The following ESPL1 variants were observed in gnomAD, a reference collection of about 807,000 sequenced individuals.
The protein encoded by ESPL1 is extra spindle pole bodies like 1, separase, also known as separin.
A neutral mutation model predicts 217.2 loss-of-function variants in ESPL1; 50 were observed. The ratio of observed to expected loss-of-function variants is 0.23; its 90% CI spans 0.18 to 0.29. The LOEUF is 0.29. Ranked by LOEUF, ESPL1 falls within the 10% of genes least tolerant of loss-of-function variation. The probability of loss-of-function intolerance (pLI) is 1.00; values close to 1 mark genes in which losing one functional copy is unlikely to be tolerated. For synonymous variants in ESPL1, 994 were observed against 1,081.3 expected, an observed-to-expected ratio of 0.92 and a Z score of 1.58; for missense variants, 1,834 against 2,603.0, an observed-to-expected ratio of 0.70 and a Z score of 6.43.
chr12:53,277,527 A>G lies in ESPL1; in HGVS notation c.2143A>G (p.Asn715Asp). 6.2e-7 allele frequency: 1 copy of G among 1,614,144 alleles called. No individual in the cohort carries two copies. The highest frequency in any genetic ancestry group is 8.5e-7 in the Non-Finnish European group (1 of 1,179,990). Residue 715 changes from asparagine to aspartate, a missense_variant, in exon 10 of 31, where the codon AAT becomes GAT. Physicochemically the swap from Asn to Asp is conservative, Grantham distance 23. Transcript: ENST00000257934. ...TGGTAACTTGGAGGAATTTGAAGTC[A>G]ATGACCTGAACTATGAAGATAAACT... ...APGNLEEFEV[N>D]DLNYEDKLQE...
chr12:53,270,412 T>A lies in ESPL1; in HGVS notation c.1178T>A (p.Phe393Tyr). Residue 393 changes from phenylalanine to tyrosine, a missense_variant, in exon 4 of 31, where the codon TTT becomes TAT. Around this residue, in one of 5 missense-constraint regions of ESPL1, gnomAD observed 746 missense variants for 1,077.0 expected, o/e 0.69. Transcript: ENST00000257934. The stretch of plus-strand genomic sequence containing the variant: ...GGCTCCTCCAAGCAACAGCAGTCTT[T>A]TCTTCAGATGTACTTTCAGGGACTT... ...YGGSSKQQQS[F>Y]LQMYFQGLHL... The A allele has an allele frequency of 6.2e-7, 1 of 1,613,992 alleles. No homozygotes were observed. The highest frequency in any genetic ancestry group is 8.5e-7 in the Non-Finnish European group (1 of 1,179,896).
chr12:53,282,184 G>C lies in ESPL1; in HGVS notation c.2620-80G>C. ...AATACCCAGGGCCTTCAGGGATGGG[G>C]CCACGTAATCTCCAGGGCCTCTCAA... On this transcript the variant is annotated intron_variant, in intron 13 of 30. Coordinates refer to ENST00000257934, the MANE Select transcript of ESPL1 (RefSeq NM_012291.5). This position sits in a 1 kb window ranked among gnomAD's most constrained non-coding sequence, Gnocchi z 4.0. 2 of 1,208,812 alleles carry C rather than the reference G, an allele frequency of 1.7e-6. No individual in the cohort carries two copies. The highest frequency in any genetic ancestry group is 1.8e-5 in the Admixed American group (1 of 54,262). The allele number at this position is 1,208,812 out of a possible 1,614,324, so 74.9% of individuals were successfully genotyped here.
chr12:53,279,833 C>A lies in ESPL1; in HGVS notation c.2466C>A (p.Leu822=), dbSNP rs1477074386. The stretch of plus-strand genomic sequence containing the variant: ...GCTCCTCCTGCCACATCACCCAGCT[C>A]CTCCTGACCCTCGGCTGTCCCAGCT... ...AAGSSCHITQ[L]LLTLGCPSYA... is the part of the protein sequence containing the mutation. The change falls in exon 12 of 31, where the codon CTC becomes CTA. Residue 822 remains leucine (L), a synonymous_variant. Coordinates refer to ENST00000257934, the MANE Select transcript of ESPL1 (RefSeq NM_012291.5). The A allele has an allele frequency of 6.2e-7, 1 of 1,608,622 alleles. No homozygotes were observed.
intron 3 of ESPL1, 52 bp from the exon 4 acceptor site, chr12:53,270,326 G>C: frequency 7.6e-7 from 1 of 1,318,448 alleles, no homozygotes; most frequent in South Asian, 1.2e-5. Flanking sequence ...TCTTCAGCTT[G>C]GAGCCCTCTT....
chr12:53,280,450 C>T (rs974889426), intron 12 of ESPL1, among the ~76,000 whole-genome samples: 1 of 146,612 alleles, frequency 6.8e-6, no homozygotes, highest in African/African-American at 2.7e-5. Context: ...TTAGTGGTGT[C>T]ATTTCCATTT....
chr12:53,284,880 C>T (rs929648094), intron 17 of ESPL1, among the ~76,000 whole-genome samples: 3 of 151,298 alleles, frequency 2.0e-5, no homozygotes, highest in East Asian at 2.0e-4. Flanking sequence ...GGCATGGTGG[C>T]GGGCACCTGT....
chr12:53,279,767 G>A lies in ESPL1; in HGVS notation c.2400G>A (p.Arg800=). 1 of 1,614,084 alleles carries A rather than the reference G, an allele frequency of 6.2e-7. No homozygotes were observed. Among genetic ancestry groups the A allele is most frequent in the Non-Finnish European group, 8.5e-7 (1 of 1,180,020 alleles). ...MQALEVLLLL[R]IVSERLKDHS... is the part of the protein sequence containing the mutation. ...CTCTGGAGGTCCTCCTGCTGCTACGGATTGTCTCTGAGAGACTGAAGGACC... is the reference window on the plus strand; with the variant it reads ...CTCTGGAGGTCCTCCTGCTGCTACGAATTGTCTCTGAGAGACTGAAGGACC... Residue 800 remains arginine, a synonymous_variant, in exon 12 of 31, where the codon CGG becomes CGA. Coordinates refer to ENST00000257934, the MANE Select transcript of ESPL1 (RefSeq NM_012291.5).
chr12:53,277,137 T>C lies in ESPL1; in HGVS notation c.1995T>C (p.Pro665=). 6 of 1,614,168 alleles carry C rather than the reference T, an allele frequency of 3.7e-6. No homozygotes were observed. Among genetic ancestry groups the C allele is most frequent in the Non-Finnish European group, 5.1e-6 (6 of 1,179,976 alleles). The part of the protein sequence containing the change: ...EALQLLDSVR[P]EAQARDQLLD... ...TGCAGCTTCTGGACTCTGTGAGGCC[T>C]GAGGCCCAGGCCAGAGATCAGCTTC... The change falls in exon 9 of 31, where the codon CCT becomes CCC. Residue 665 remains proline (P), a synonymous_variant. Transcript: ENST00000257934.
chr12:53,278,165 C>A (rs1388408169), intron 11 of ESPL1, among the ~76,000 whole-genome samples: 2 of 152,148 alleles, frequency 1.3e-5, no homozygotes, highest in African/African-American at 4.8e-5. Flanking sequence ...AACCTAAGCC[C>A]AAGTTTCCTT....
In ESPL1 at chr12:53,288,140, C is replaced by G. The variant is rs768070094; in HGVS notation, c.4345C>G (p.Pro1449Ala). ...VVAPGSAPGN[P>A]GLNGRSRRAK... ...TGCCCCAGGTAGTGCCCCTGGGAAC[C>G]CTGGCCTGAATGGCAGGAGCCGGAG... Residue 1449 changes from proline to alanine, a missense_variant, in exon 19 of 31, where the codon CCT becomes GCT. Physicochemically the swap from Pro to Ala is conservative, Grantham distance 27. This residue lies in a region of ESPL1 where 681 missense variants were observed against 808.0 expected (regional missense o/e 0.84). Coordinates refer to ENST00000257934, the MANE Select transcript of ESPL1 (RefSeq NM_012291.5). The G allele has an allele frequency of 6.2e-7, 1 of 1,613,676 alleles. No individual in the cohort carries two copies. The highest frequency in any genetic ancestry group is 8.5e-7 in the Non-Finnish European group (1 of 1,179,938).
At chr12:53,274,737 C>A (rs1943735252) in intron 6 of ESPL1, 80 bp from the exon 7 acceptor site, 4 of 1,187,220 alleles carry the variant, frequency 3.4e-6, no homozygotes, top group Non-Finnish European at 5.0e-6. Context: ...GGTGTATGTA[C>A]CTATTGCATG....
At chr12:53,280,667 T>C (rs903866079) in intron 12 of ESPL1, among the ~76,000 whole-genome samples, 2 of 152,066 alleles carry the variant, frequency 1.3e-5, no homozygotes, top group African/African-American at 4.8e-5. Context: ...CGTGCCCAGC[T>C]ACTGCTTACT....
Position 53,292,856 on chromosome 12 carries a change from T to C in ESPL1, c.6047T>C (p.Leu2016Pro). 1 of 1,612,628 alleles carries C rather than the reference T, an allele frequency of 6.2e-7. No homozygotes were observed. The highest frequency in any genetic ancestry group is 8.5e-7 in the Non-Finnish European group (1 of 1,180,034). The change falls in exon 30 of 31, where the codon CTG becomes CCG. Residue 2016 changes from leucine to proline, a missense_variant. Physicochemically the swap from Leu to Pro is moderately conservative, Grantham distance 98 (BLOSUM62 -3). Around this residue, in one of 5 missense-constraint regions of ESPL1, gnomAD observed 295 missense variants for 519.8 expected, o/e 0.57. Coordinates refer to ENST00000257934, the MANE Select transcript of ESPL1 (RefSeq NM_012291.5). The surrounding 1 kb of genome is among the most constrained non-coding windows in gnomAD (Gnocchi z 4.5). ...CGCTTCCTTGATGGGCAGGCTGTCC[T>C]GCGGCTGAGCTGTCGGGCAGTGGCC... ...GARFLDGQAV[L>P]RLSCRAVALL... is the part of the protein sequence containing the mutation.
At chr12:53,283,034 G>A in intron 14 of ESPL1, 95 bp from the exon 15 acceptor site, 1 of 1,515,586 alleles carries the variant, frequency 6.6e-7, no homozygotes, top group African/African-American at 1.4e-5. Flanking sequence ...CCTTAATGCA[G>A]AAGGAAGCAT....
chr12:53,281,679 G>A lies in ESPL1; in HGVS notation c.2619+53G>A, dbSNP rs187207055. 7.6e-5 allele frequency: 119 copies of A among 1,561,140 alleles called. 1 individual carries two copies. In the African/African-American group the frequency reaches 1.5e-3, roughly 20 times the overall value. On this transcript the variant is annotated intron_variant, in intron 13 of 30. Coordinates refer to ENST00000257934, the MANE Select transcript of ESPL1 (RefSeq NM_012291.5). ...GGCCCTGGGTATTAGAAAGAATTTA[G>A]GATTTTCTTGATATTTGCCTGGCTT...
Position 53,290,920 on chromosome 12 carries a change from C to T in ESPL1, c.5444C>T (p.Pro1815Leu), listed in dbSNP as rs1343334627. The change falls in exon 25 of 31, where the codon CCT (proline) becomes CTT (leucine). Residue 1815 changes from proline (P) to leucine (L), a missense_variant. Physicochemically the swap from Pro to Leu is moderately conservative, Grantham distance 98. Around this residue, in one of 5 missense-constraint regions of ESPL1, gnomAD observed 295 missense variants for 519.8 expected, o/e 0.57. Coordinates refer to ENST00000257934, the MANE Select transcript of ESPL1 (RefSeq NM_012291.5). ...LLLPSSEEPG[P>L]AQEASRLQEL... ...CTGCCGTCCAGTGAGGAGCCCGGCCCTGCCCAGGAGGCCTCCCGCCTACAG... is the reference window on the plus strand; with the variant it reads ...CTGCCGTCCAGTGAGGAGCCCGGCCTTGCCCAGGAGGCCTCCCGCCTACAG... 7 of 1,606,964 alleles carry T rather than the reference C, an allele frequency of 4.4e-6. No homozygotes were observed. Among genetic ancestry groups the T allele is most frequent in the Middle Eastern group, 1.7e-4 (1 of 5,830 alleles).
chr12:53,286,444 C>A lies in ESPL1; in HGVS notation c.3708C>A (p.Asn1236Lys). 6.2e-7 allele frequency: 1 copy of A among 1,614,218 alleles called. No homozygotes were observed. The highest frequency in any genetic ancestry group is 8.5e-7 in the Non-Finnish European group (1 of 1,180,042). ...CACTGTTGGCACTGGAGGGCCTGAACCAGCCATCAAACGAGAGCCTGCAGA... is the reference window on the plus strand; with the variant it reads ...CACTGTTGGCACTGGAGGGCCTGAAACAGCCATCAAACGAGAGCCTGCAGA... ...AYTLLALEGL[N>K]QPSNESLQKV... Residue 1236 changes from asparagine (N) to lysine (K), a missense_variant, in exon 18 of 31, where the codon AAC (asparagine) becomes AAA (lysine). By Grantham distance (94) the Asn-to-Lys change is moderately conservative (BLOSUM62 0). This residue lies in a region of ESPL1 where 681 missense variants were observed against 808.0 expected (regional missense o/e 0.84). Transcript: ENST00000257934. The surrounding 1 kb of genome is among the most constrained non-coding windows in gnomAD (Gnocchi z 5.3).
Position 53,292,143 on chromosome 12 carries a change from C to A in ESPL1, c.5796+55C>A. The stretch of plus-strand genomic sequence containing the variant: ...GACTGGCGACTGGGGAAGACGTCAA[C>A]AAAGAAGGGCAGAGAAACCTGAGAA... On this transcript the variant is annotated intron_variant, in intron 27 of 30. Coordinates refer to ENST00000257934, the MANE Select transcript of ESPL1 (RefSeq NM_012291.5). This position sits in a 1 kb window ranked among gnomAD's most constrained non-coding sequence, Gnocchi z 4.5. 6.8e-7 allele frequency: 1 copy of A among 1,481,348 alleles called. No homozygotes were observed. The highest frequency in any genetic ancestry group is 9.4e-7 in the Non-Finnish European group (1 of 1,059,220). 91.8% of individuals were successfully genotyped at this position (1,481,348 alleles called of 1,614,324 possible).
chr12:53,277,309 CT>C (rs200286522), intron 9 of ESPL1, 82 bp downstream of exon 9: 55 of 1,518,154 alleles, frequency 3.6e-5, no homozygotes, highest in African/African-American at 1.3e-4. Context: ...GGTATCAGCC[CT>C]TTTTTTTGTT....
Sources: gnomAD v4.1 joint callset for allele counts (sites outside exome capture counted in the v4.1 genomes callset) on GRCh38, gnomAD v4.1.1 for gene constraint, gnomAD v4.1.1 regional missense constraint, Gnocchi (gnomAD v3.1) non-coding constraint, MANE v1.5 for transcripts, NCBI Gene and HGNC (gene_info 2026-07-23, HGNC 2026-07-21) for gene names.